EVA1A: variants seen among roughly 807,000 people sequenced by gnomAD.
The protein encoded by EVA1A is eva-1 homolog A, regulator of programmed cell death.
EVA1A carries 7 observed loss-of-function variants against 9.8 expected under a neutral mutation model. The ratio of observed to expected loss-of-function variants is 0.71; its 90% CI spans 0.41 to 1.34. The LOEUF is 1.34. EVA1A is among the 40% of genes most tolerant of loss of function. The pLI is 0.01. For missense variants in EVA1A, 206 were observed against 205.9 expected (o/e 1.00, Z 0.00); for synonymous variants, 90 against 85.6 (o/e 1.05, Z -0.28).
chr2:75,561,094 A>C (rs1274944367), upstream of EVA1A, among the ~76,000 whole-genome samples: 1 of 148,230 alleles, frequency 6.7e-6, no homozygotes, highest in African/African-American at 2.5e-5. Context: ...GGCGTGCGGC[A>C]CCTCCCTCCG....
At chr2:75,555,336 T>TCCCC (rs1553421963) in intron 1 of EVA1A, among the ~76,000 whole-genome samples, 84 of 102,678 alleles carry the variant, frequency 8.2e-4, no homozygotes, top group South Asian at 2.2e-3. Context: ...TCTCTCTCTC[T>TCCCC]CCCCCATCTC....
chr2:75,533,149 T>TA (rs535862439), intron 1 of EVA1A, among the ~76,000 whole-genome samples: 7,358 of 116,488 alleles, frequency 0.063, 635 homozygotes, highest in African/African-American at 0.21. Flanking sequence ...ACCCTGTCTT[T>TA]AAAAAAAAAA....
At position 75,517,071 on chromosome 2, in the gene EVA1A, C is replaced by CT. The variant is rs919334069; in HGVS notation, c.85+984dup. On this transcript the variant is annotated intron_variant, in intron 3 of 3. Coordinates refer to ENST00000393913, the MANE Select transcript of EVA1A (RefSeq NM_001135032.2). Reference sequence around the variant, plus strand: ...GCCCAGAACAAGACCCTGAGCAGTCCTTTTTTTTTCTGAAATCAGGTTGCG... The same window carrying CT: ...GCCCAGAACAAGACCCTGAGCAGTCCTTTTTTTTTTCTGAAATCAGGTTGCG... Among the ~76,000 whole-genome samples, 7 of 151,152 alleles carry CT rather than the reference C, an allele frequency of 4.6e-5. No homozygotes were observed. The South Asian group carries it at 8.4e-4, about 18-fold the overall frequency.
intron 3 of EVA1A, among the ~76,000 whole-genome samples, chr2:75,504,602 G>A (rs1323543793): frequency 6.6e-6 from 1 of 152,120 alleles, no homozygotes; most frequent in Non-Finnish European, 1.5e-5. Context: ...TACCTGGCTG[G>A]CTCTGATGTG....
chr2:75,560,702 A>C lies in EVA1A; in HGVS notation c.-214T>G, dbSNP rs1373133876. 6.6e-6 allele frequency: 1 copy of C among 152,216 alleles called. No homozygotes were observed. Among genetic ancestry groups the C allele is most frequent in the Non-Finnish European group, 1.5e-5 (1 of 68,080 alleles). 9.4% of individuals were successfully genotyped at this position (152,216 alleles called of 1,614,324 possible). A position where few individuals can be genotyped will look rare whatever the true frequency, so the allele number is the denominator to read the frequency against. ...TACCTTTGCTGGGGCCCCGGCGCGC[A>C]CTTCCGGGGACTGCGCTTGGGGCGC... On this transcript the variant is annotated 5_prime_UTR_variant, in exon 1 of 4. Coordinates refer to ENST00000393913, the MANE Select transcript of EVA1A (RefSeq NM_001135032.2).
chr2:75,508,410 G>C (rs995525554), intron 3 of EVA1A, among the ~76,000 whole-genome samples: 1 of 151,914 alleles, frequency 6.6e-6, no homozygotes, highest in African/African-American at 2.4e-5. Flanking sequence ...GTCTATAAAC[G>C]GCCTGTAGGG....
chr2:75,517,838 G>A (rs1229323404), intron 3 of EVA1A: 2 of 731,498 alleles, frequency 2.7e-6, no homozygotes, highest in African/African-American at 3.5e-5. Context: ...TTTTCTGCAA[G>A]ACAAAGCTCT....
intron 3 of EVA1A, among the ~76,000 whole-genome samples, chr2:75,497,439 C>A (rs1368848896): frequency 2.0e-5 from 3 of 152,122 alleles, no homozygotes; most frequent in African/African-American, 7.2e-5. Context: ...CTCAGCATCA[C>A]TAATCGTCAG....
At chr2:75,505,053 A>G (rs771235095) in intron 3 of EVA1A, among the ~76,000 whole-genome samples, 68 of 152,248 alleles carry the variant, frequency 4.5e-4, no homozygotes, top group Admixed American at 5.2e-4. Context: ...CCTCCTCCCA[A>G]TCCACTGGCT....
Position 75,518,167 on chromosome 2 carries a change from G to T in EVA1A, c.-27C>A. The stretch of plus-strand genomic sequence containing the variant: ...GGACATCCAGAGGGGACCTCCTGGA[G>T]GTGCTTGGCTGAATCAACGTGGCCA... On this transcript the variant is annotated 5_prime_UTR_variant, in exon 3 of 4. Coordinates refer to ENST00000393913, the MANE Select transcript of EVA1A (RefSeq NM_001135032.2). The T allele has an allele frequency of 6.2e-7, 1 of 1,608,686 alleles. No individual in the cohort carries two copies. The highest frequency in any genetic ancestry group is 8.5e-7 in the Non-Finnish European group (1 of 1,178,362).
chr2:75,512,532 A>G (rs1674852768), intron 3 of EVA1A, among the ~76,000 whole-genome samples: 1 of 152,176 alleles, frequency 6.6e-6, no homozygotes, highest in Non-Finnish European at 1.5e-5. Context: ...AAAACCTGGC[A>G]AGTGGTTTAG....
At chr2:75,508,764 G>A (rs1489123520) in intron 3 of EVA1A, among the ~76,000 whole-genome samples, 2 of 152,026 alleles carry the variant, frequency 1.3e-5, no homozygotes, top group South Asian at 2.1e-4. Flanking sequence ...AGAACCTACC[G>A]ACATGTGATG....
chr2:75,541,360 C>T (rs1488965624), intron 1 of EVA1A, among the ~76,000 whole-genome samples: 12 of 152,156 alleles, frequency 7.9e-5, no homozygotes, highest in East Asian at 1.9e-4. Context: ...CTATACGAGT[C>T]GGAACCTCAG....
chr2:75,555,338 C>CTCT (rs1553421964), intron 1 of EVA1A, among the ~76,000 whole-genome samples: 193 of 40,200 alleles, frequency 4.8e-3, no homozygotes, highest in African/African-American at 0.014. Context: ...TCTCTCTCTC[C>CTCT]CCCATCTCCC....
intron 1 of EVA1A, among the ~76,000 whole-genome samples, chr2:75,543,671 C>A (rs995040793): frequency 6.6e-6 from 1 of 152,060 alleles, no homozygotes; most frequent in Admixed American, 6.5e-5. Context: ...GGGAGGTGGG[C>A]GGCTTCTACC....
chr2:75,504,317 A>G (rs1050305645), intron 3 of EVA1A, among the ~76,000 whole-genome samples: 1 of 152,162 alleles, frequency 6.6e-6, no homozygotes, highest in Non-Finnish European at 1.5e-5. Context: ...AGGCTGGGGC[A>G]GGAGAATCGT....
chr2:75,518,180 A>G lies in EVA1A; in HGVS notation c.-40T>C. The G allele has an allele frequency of 6.2e-7, 1 of 1,605,592 alleles. No homozygotes were observed. The highest frequency in any genetic ancestry group is 8.5e-7 in the Non-Finnish European group (1 of 1,177,162). On this transcript the variant is annotated 5_prime_UTR_variant, in exon 3 of 4. Coordinates refer to ENST00000393913, the MANE Select transcript of EVA1A (RefSeq NM_001135032.2). Reference sequence around the variant, plus strand: ...GGACCTCCTGGAGGTGCTTGGCTGAATCAACGTGGCCACTCTCCTTCTTCT... The same window carrying G: ...GGACCTCCTGGAGGTGCTTGGCTGAGTCAACGTGGCCACTCTCCTTCTTCT...
intron 3 of EVA1A, among the ~76,000 whole-genome samples, chr2:75,498,294 A>G (rs1285036215): frequency 6.6e-6 from 1 of 151,392 alleles, no homozygotes; most frequent in Admixed American, 6.6e-5. Flanking sequence ...AAACGTGGAC[A>G]TAAAGAAGGG....
intron 1 of EVA1A, among the ~76,000 whole-genome samples, chr2:75,532,194 T>C (rs2103897607): frequency 7.3e-6 from 1 of 137,478 alleles, no homozygotes; most frequent in East Asian, 2.2e-4. Context: ...AAAAAGCTTA[T>C]CCATGTAATT....
Sources: allele counts gnomAD v4.1 joint callset (sites outside exome capture counted in the v4.1 genomes callset), GRCh38; gene constraint gnomAD v4.1.1; transcripts MANE v1.5; gene names NCBI Gene and HGNC (gene_info 2026-07-23, HGNC 2026-07-21).